The following GC variants were observed in gnomAD, a reference collection of about 807,000 sequenced individuals.
GC encodes GC vitamin D binding protein.
In GC, 43 loss-of-function variants were observed where a neutral mutation model predicts 56.7. That is an observed-to-expected ratio of 0.76 (90% confidence interval 0.59 to 0.98). The LOEUF (loss-of-function observed/expected upper bound fraction) is 0.98, where lower values mean the gene tolerates loss of function less well. Among genes scored for constraint, GC ranks in the 50% least tolerant of loss-of-function variants. The pLI, the probability that GC is intolerant of heterozygous loss-of-function variation, is 0.00. For missense variants in GC, 529 were observed against 545.9 expected, an observed-to-expected ratio of 0.97 and a Z score of 0.31; for synonymous variants, 216 against 202.7, an observed-to-expected ratio of 1.07 and a Z score of -0.56.
upstream of GC, among the ~76,000 whole-genome samples, chr4:71,805,147 C>G (rs1006874924): frequency 1.3e-5 from 2 of 152,102 alleles, no homozygotes; most frequent in African/African-American, 2.4e-5. Context: ...TGGGAAACAA[C>G]AGTTTGCATT....
chr4:71,755,076 G>T lies in GC; in HGVS notation c.1066C>A (p.Leu356Ile). Reference protein sequence around the residue: ...YTFELSRRTHLPEVFLSKVLE... With the variant: ...YTFELSRRTHIPEVFLSKVLE... ...ACCTTACTGAGGAATACTTCCGGAA[G>T]ATGAGTCCTTCTGCTTAGTTCAAAT... is the stretch of plus-strand genomic sequence containing the variant. Residue 356 changes from leucine to isoleucine, a missense_variant, in exon 9 of 13, where the codon CTT (leucine) becomes ATT (isoleucine). By Grantham distance (5) the Leu-to-Ile change is conservative. Coordinates refer to ENST00000273951, the MANE Select transcript of GC (RefSeq NM_000583.4). The T allele has an allele frequency of 6.3e-7, 1 of 1,591,738 alleles. No homozygotes were observed. The highest frequency in any genetic ancestry group is 2.3e-5 in the East Asian group (1 of 44,278).
chr4:71,753,471 G>C (rs1332893132), intron 10 of GC, among the ~76,000 whole-genome samples: 4 of 139,914 alleles, frequency 2.9e-5, no homozygotes, highest in Non-Finnish European at 6.1e-5. Flanking sequence ...GGCAAGAAGA[G>C]ACTCAAAGGA....
chr4:71,759,580 C>A (rs1050306633), intron 6 of GC: 1 of 152,300 alleles, frequency 6.6e-6, no homozygotes, highest in East Asian at 1.9e-4. Context: ...TGAGATCAGA[C>A]AAGATTGGGC....
chr4:71,769,313 T>G lies in GC; in HGVS notation c.128+18A>C, dbSNP rs1322781769. On this transcript the variant is annotated intron_variant, in intron 2 of 12. Transcript: ENST00000273951. ...AAGATCAAATCACCAACAGAGTGAG[T>G]GGCTGCTGCACACTTACAGAGATGT... is the stretch of plus-strand genomic sequence containing the variant. The G allele has an allele frequency of 6.4e-7, 1 of 1,566,068 alleles. No individual in the cohort carries two copies. The highest frequency in any genetic ancestry group is 8.8e-7 in the Non-Finnish European group (1 of 1,136,886).
chr4:71,781,305 C>G (rs1345259248), intron 1 of GC, among the ~76,000 whole-genome samples: 1 of 151,462 alleles, frequency 6.6e-6, no homozygotes, highest in South Asian at 2.1e-4. Context: ...TAATGGGTGT[C>G]AGCAAACCAA....
In GC at chr4:71,803,933, C is replaced by T. The variant is rs748804759; in HGVS notation, c.14G>A (p.Trp5Ter). ...GGAATTAGAACGCAGTACCTCACTCCAAGACCACAGCATTTCCTACCAGTT... is the reference window on the plus strand; with the variant it reads ...GGAATTAGAACGCAGTACCTCACTCTAAGACCACAGCATTTCCTACCAGTT... Residue 5 changes from tryptophan to a stop codon, truncating the protein, a stop_gained, in exon 1 of 14, where the codon TGG becomes TAG. Coordinates refer to the GC transcript ENST00000504199. LOFTEE classifies it high-confidence loss of function. The T allele has an allele frequency of 2.9e-5, 43 of 1,507,226 alleles. No homozygotes were observed. The East Asian group carries it at 9.8e-4, about 34-fold the overall frequency. 93.4% of individuals were successfully genotyped at this position (1,507,226 alleles called of 1,614,324 possible). A position where few individuals can be genotyped will look rare whatever the true frequency, so the allele number is the denominator to read the frequency against.
rs1742069747 is a variant in GC, at chr4:71,763,924, T to G, written c.486A>C (p.Glu162Asp). 1.2e-6 allele frequency: 2 copies of G among 1,610,614 alleles called. No homozygotes were observed. Among genetic ancestry groups the G allele is most frequent in the Non-Finnish European group, 1.7e-6 (2 of 1,177,378 alleles). The change falls in exon 5 of 13, where the codon GAA (glutamate) becomes GAC (aspartate). Residue 162 changes from glutamate (E) to aspartate (D), a missense_variant. Physicochemically the swap from Glu to Asp is conservative, Grantham distance 45. Coordinates refer to ENST00000273951, the MANE Select transcript of GC (RefSeq NM_000583.4). ...PKEYANQFMW[E>D]YSTNYGQAPL... ...GAGCTTGTCCGTAATTAGTGGAATATTCCCACATAAATCTGTGGAGGAAAA... is the reference window on the plus strand; with the variant it reads ...GAGCTTGTCCGTAATTAGTGGAATAGTCCCACATAAATCTGTGGAGGAAAA...
intron 1 of GC, among the ~76,000 whole-genome samples, chr4:71,782,075 A>G (rs1742699096): frequency 6.6e-6 from 1 of 151,836 alleles, no homozygotes; most frequent in African/African-American, 2.4e-5. Flanking sequence ...GGAATAAATT[A>G]TGGCTCATTT....
chr4:71,790,071 A>G (rs565142364), intron 1 of GC, among the ~76,000 whole-genome samples: 308 of 152,110 alleles, frequency 2.0e-3, no homozygotes, highest in Middle Eastern at 6.8e-3. Context: ...ACACATACAG[A>G]ATTTTAATGA....
chr4:71,749,453 A>G (rs1310185692), intron 11 of GC, among the ~76,000 whole-genome samples: 6 of 152,222 alleles, frequency 3.9e-5, no homozygotes, highest in African/African-American at 1.4e-4. Flanking sequence ...GACAGATAAC[A>G]AAGGGACAGG....
At chr4:71,773,337 A>T (rs575511523) in intron 1 of GC, among the ~76,000 whole-genome samples, 1 of 152,184 alleles carries the variant, frequency 6.6e-6, no homozygotes, top group East Asian at 1.9e-4. Flanking sequence ...GTCTTGTTTA[A>T]TTCTGAACTT....
intron 3 of GC, among the ~76,000 whole-genome samples, chr4:71,767,906 C>T (rs377019644): frequency 1.3e-5 from 2 of 151,962 alleles, no homozygotes; most frequent in South Asian, 2.1e-4. Flanking sequence ...TGAGAACATA[C>T]GATATTTGGG....
rs2149296856 is a variant in GC at position 71,756,701 on chromosome 4, C to T, written c.1034+11G>A. The T allele has an allele frequency of 6.3e-7, 1 of 1,590,310 alleles. No individual in the cohort carries two copies. Among genetic ancestry groups the T allele is most frequent in the Non-Finnish European group, 8.6e-7 (1 of 1,158,422 alleles). ...AAAATGGGAAAACGTTTTCACATCA[C>T]CTCTACTTACTTATCCATGACTTTG... is the stretch of plus-strand genomic sequence containing the variant. On this transcript the variant is annotated intron_variant, in intron 8 of 12. Transcript: ENST00000273951.
chr4:71,754,988 A>G lies in GC; in HGVS notation c.1154T>C (p.Phe385Ser), dbSNP rs1291264475. 3 of 1,581,634 alleles carry G rather than the reference A, an allele frequency of 1.9e-6. No individual in the cohort carries two copies. In the South Asian group the frequency reaches 3.5e-5, roughly 18 times the overall value. The stretch of plus-strand genomic sequence containing the variant: ...ATCCAACAAATATACCTTAGCATTA[A>G]AACAGGTAGTTGAGTCTTCAACATC... ...CCDVEDSTTC[F>S]NAKGPLLKKE... Residue 385 changes from phenylalanine to serine, a missense_variant, in exon 9 of 13, where the codon TTT (phenylalanine) becomes TCT (serine). Transcript: ENST00000273951.
At chr4:71,744,670 C>T (rs915216893) in intron 12 of GC, among the ~76,000 whole-genome samples, 13 of 152,050 alleles carry the variant, frequency 8.5e-5, no homozygotes, top group African/African-American at 2.4e-4. Context: ...TATTCAAAAT[C>T]AAAGTTATCA....
intron 2 of GC, 23 bp from the exon 3 acceptor site, chr4:71,768,456 T>C (rs1191871169): frequency 7.5e-6 from 12 of 1,591,148 alleles, no homozygotes; most frequent in South Asian, 1.1e-5. Context: ...TAAGACAATA[T>C]ATCAATTAGA....
intron 2 of GC, 44 bp downstream of exon 2, chr4:71,769,287 C>T: frequency 7.1e-7 from 1 of 1,410,840 alleles, no homozygotes; most frequent in Non-Finnish European, 1.0e-6. Context: ...CAGTTTTGTT[C>T]AAGATCAAAT....
Position 71,769,345 on chromosome 4 carries a change from C to T in GC, c.114G>A (p.Glu38=). The change falls in exon 2 of 13, where the codon GAG becomes GAA. Residue 38 remains glutamate (E), a synonymous_variant. Coordinates refer to ENST00000273951, the MANE Select transcript of GC (RefSeq NM_000583.4). The stretch of plus-strand genomic sequence containing the variant: ...TGCACACTTACAGAGATGTGAAGTC[C>T]TCCTTTCCCAGATGGGAGAATTCCT... The part of the protein sequence containing the change: ...VCKEFSHLGK[E]DFTSLSLVLY... 6.2e-7 allele frequency: 1 copy of T among 1,611,474 alleles called. No individual in the cohort carries two copies. The highest frequency in any genetic ancestry group is 8.5e-7 in the Non-Finnish European group (1 of 1,177,792).
intron 1 of GC, among the ~76,000 whole-genome samples, chr4:71,770,641 G>A (rs1288361682): frequency 6.6e-6 from 1 of 152,134 alleles, no homozygotes; most frequent in Non-Finnish European, 1.5e-5. Context: ...AGCCCTGGAG[G>A]AGGTAGAAGC....
Sources: gnomAD v4.1 joint callset for allele counts (sites outside exome capture counted in the v4.1 genomes callset) on GRCh38, gnomAD v4.1.1 for gene constraint, MANE v1.5 for transcripts, NCBI Gene and HGNC (gene_info 2026-07-23, HGNC 2026-07-21) for gene names.